The following DGKI variants were observed in gnomAD, a reference collection of about 807,000 sequenced individuals.
DGKI encodes the protein diacylglycerol kinase iota, also known as DAG kinase iota.
A neutral mutation model predicts 147.5 loss-of-function variants in DGKI; 55 were observed. That is an observed-to-expected ratio of 0.37 (90% CI 0.30 to 0.47). The LOEUF is 0.47. DGKI is among the 20% of genes least tolerant of loss of function. The probability of loss-of-function intolerance (pLI) is 1.00; values close to 1 mark genes in which losing one functional copy is unlikely to be tolerated. For synonymous variants in DGKI, 469 were observed against 477.1 expected (o/e 0.98, Z 0.22); for missense variants, 1,007 against 1,323.8 (o/e 0.76, Z 3.71).
chr7:137,480,201 A>C (rs1390933176), intron 23 of DGKI, among the ~76,000 whole-genome samples: 1 of 152,128 alleles, frequency 6.6e-6, no homozygotes, highest in Non-Finnish European at 1.5e-5. Context: ...TTAATTCCTC[A>C]TTTGACCCAT....
chr7:137,424,991 C>T (rs57863119), intron 28 of DGKI, among the ~76,000 whole-genome samples: 2,735 of 152,338 alleles, frequency 0.018, 84 homozygotes, highest in African/African-American at 0.062. Context: ...CAGCAGTAAC[C>T]TCTGCAGACT....
intron 2 of DGKI, among the ~76,000 whole-genome samples, chr7:137,688,218 C>A (rs1585372548): frequency 6.6e-6 from 1 of 152,112 alleles, no homozygotes; most frequent in Non-Finnish European, 1.5e-5. Context: ...ATTCTAAGAC[C>A]CTTGAAGGCA....
chr7:137,685,142 T>G (rs1399176519), intron 2 of DGKI, among the ~76,000 whole-genome samples: 12 of 152,202 alleles, frequency 7.9e-5, no homozygotes, highest in Admixed American at 2.6e-4. Flanking sequence ...AAGTGTTTCT[T>G]AGCATCGTCA....
intron 30 of DGKI, 66 bp from the exon 31 acceptor site, chr7:137,397,479 C>G (rs1811595520): frequency 6.6e-7 from 1 of 1,510,578 alleles, no homozygotes; most frequent in South Asian, 1.2e-5. Flanking sequence ...AACAGAAAAT[C>G]TATAGTCACA....
chr7:137,460,684 A>G (rs1403376003), intron 27 of DGKI, among the ~76,000 whole-genome samples: 1 of 152,238 alleles, frequency 6.6e-6, no homozygotes, highest in Non-Finnish European at 1.5e-5. Flanking sequence ...TCAGCACTTT[A>G]AAAGTTTTGG....
At chr7:137,834,415 C>T (rs540686096) in intron 1 of DGKI, among the ~76,000 whole-genome samples, 3 of 152,272 alleles carry the variant, frequency 2.0e-5, no homozygotes, top group African/African-American at 7.2e-5. Context: ...GATGCTAAAA[C>T]CAACCATACT....
intron 23 of DGKI, among the ~76,000 whole-genome samples, chr7:137,474,801 G>A (rs1041279379): frequency 1.5e-4 from 23 of 152,130 alleles, no homozygotes; most frequent in African/African-American, 4.6e-4. Flanking sequence ...CAGAGGCGGC[G>A]GAAGGCTGAT....
intron 27 of DGKI, among the ~76,000 whole-genome samples, chr7:137,450,594 C>T (rs1023862575): frequency 5.9e-5 from 9 of 152,054 alleles, no homozygotes; most frequent in South Asian, 2.1e-4. Context: ...TGGTGGCACG[C>T]GCCTATAATC....
intron 1 of DGKI, among the ~76,000 whole-genome samples, chr7:137,737,512 T>TA (rs11435717): frequency 0.26 from 37,898 of 146,454 alleles, 4,851 homozygotes; most frequent in Middle Eastern, 0.36. Context: ...TTCGTTTTAT[T>TA]AAAAAAAAAA....
At chr7:137,797,337 T>C (rs1797062751) in intron 1 of DGKI, among the ~76,000 whole-genome samples, 1 of 152,148 alleles carries the variant, frequency 6.6e-6, no homozygotes, top group Admixed American at 6.5e-5. Context: ...CACTTTACAG[T>C]AACTTGAGTA....
intron 20 of DGKI, among the ~76,000 whole-genome samples, chr7:137,525,702 T>C (rs1442082643): frequency 6.6e-6 from 1 of 152,220 alleles, no homozygotes; most frequent in Non-Finnish European, 1.5e-5. Context: ...GAAAAATGCC[T>C]GGCACATTGT....
intron 23 of DGKI, among the ~76,000 whole-genome samples, chr7:137,472,694 C>T (rs1230759261): frequency 1.3e-5 from 2 of 151,570 alleles, no homozygotes; most frequent in South Asian, 2.1e-4. Context: ...AAGCTACTGA[C>T]GTCTCTCAGT....
At position 137,511,606 on chromosome 7, in the gene DGKI, T is replaced by C. The variant is rs926073735; in HGVS notation, c.2248+10260A>G. ...ACTTAGAACAGTCTTTGATACATAG[T>C]AGGTGTTCAATAGATCGTTGTTAAA... On this transcript the variant is annotated intron_variant, in intron 21 of 32. Transcript: ENST00000614521. Among the ~76,000 whole-genome samples, 3 of 152,204 alleles carry C rather than the reference T, an allele frequency of 2.0e-5. No homozygotes were observed. In the South Asian group the frequency reaches 6.2e-4, roughly 31 times the overall value.
chr7:137,436,070 C>T (rs1388277637), intron 28 of DGKI, among the ~76,000 whole-genome samples: 1 of 152,194 alleles, frequency 6.6e-6, no homozygotes, highest in Non-Finnish European at 1.5e-5. Flanking sequence ...CCACAGCACC[C>T]AGCCAGTATC....
intron 20 of DGKI, among the ~76,000 whole-genome samples, chr7:137,546,472 A>G (rs1221848892): frequency 6.6e-6 from 1 of 152,200 alleles, no homozygotes; most frequent in Non-Finnish European, 1.5e-5. Flanking sequence ...AGAGTGTCTC[A>G]ACCAAAACTT....
At chr7:137,461,656 T>G (rs1200382374) in intron 27 of DGKI, among the ~76,000 whole-genome samples, 1 of 152,204 alleles carries the variant, frequency 6.6e-6, no homozygotes, top group Non-Finnish European at 1.5e-5. Flanking sequence ...ATGACTTGCC[T>G]TTGTTCCACA....
intron 28 of DGKI, among the ~76,000 whole-genome samples, chr7:137,435,980 A>T (rs1813265155): frequency 6.6e-6 from 1 of 152,154 alleles, no homozygotes; most frequent in African/African-American, 2.4e-5. Flanking sequence ...AGGTTTCACG[A>T]TGTTGGCTAG....
intron 3 of DGKI, among the ~76,000 whole-genome samples, chr7:137,656,856 C>A (rs1331468592): frequency 6.6e-6 from 1 of 152,162 alleles, no homozygotes; most frequent in Non-Finnish European, 1.5e-5. Flanking sequence ...TCTGTCATTT[C>A]TAAGTTTCAG....
chr7:137,665,173 A>C (rs1822591120), intron 3 of DGKI, among the ~76,000 whole-genome samples: 1 of 152,152 alleles, frequency 6.6e-6, no homozygotes, highest in South Asian at 2.1e-4. Flanking sequence ...TTCCTGAAAG[A>C]GAATAAGAAA....
Sources: gnomAD v4.1 joint callset for allele counts (sites outside exome capture counted in the v4.1 genomes callset) on GRCh38, gnomAD v4.1.1 for gene constraint, MANE v1.5 for transcripts, NCBI Gene and HGNC (gene_info 2026-07-23, HGNC 2026-07-21) for gene names.